The following SPATA31H1 variants were observed in gnomAD, a reference collection of about 807,000 sequenced individuals.
The protein encoded by SPATA31H1 is SPATA31 subfamily H member 1.
the SPATA31H1 span, chr2:27,566,595 T>A: frequency 1.7e-6 from 1 of 582,500 alleles, no homozygotes; most frequent in Non-Finnish European, 3.1e-6. Flanking sequence ...ATTATTTCTA[T>A]AAGTAATTGA....
chr2:27,581,155 G>A, the SPATA31H1 span: 5 of 1,613,998 alleles, frequency 3.1e-6, no homozygotes, highest in East Asian at 2.2e-5. Context: ...ACCTGGCACC[G>A]ACATCTTAAA....
chr2:27,582,439 G>C, the SPATA31H1 span: 1 of 1,614,182 alleles, frequency 6.2e-7, no homozygotes, highest in Admixed American at 1.7e-5. Context: ...AGTTTGTCTA[G>C]AGATTTCAAG....
chr2:27,568,244 A>T, the SPATA31H1 span: 1 of 399,028 alleles, frequency 2.5e-6, no homozygotes, highest in Non-Finnish European at 4.4e-6. Context: ...TGAACCATCA[A>T]GACACAAAAC....
At chr2:27,578,292 C>T in the SPATA31H1 span, 3 of 1,614,168 alleles carry the variant, frequency 1.9e-6, no homozygotes, top group Non-Finnish European at 2.5e-6. Flanking sequence ...AAAGCCAAAA[C>T]ACCAGATTTT....
At chr2:27,580,356 C>T in the SPATA31H1 span, 1 of 1,614,118 alleles carries the variant, frequency 6.2e-7, no homozygotes, top group East Asian at 2.2e-5. Context: ...AGTTCACAAC[C>T]TACCAGAGAG....
At chr2:27,548,974 T>C in the SPATA31H1 span, among the ~76,000 whole-genome samples, 14 of 147,078 alleles carry the variant, frequency 9.5e-5, no homozygotes, top group East Asian at 2.8e-3. Context: ...CTGGGGAGGC[T>C]GAGGCAGGAG....
the SPATA31H1 span, chr2:27,579,421 T>C: frequency 6.2e-7 from 1 of 1,614,232 alleles, no homozygotes; most frequent in Non-Finnish European, 8.5e-7. Context: ...CCAGTTACTA[T>C]TTCTCAGCCT....
At chr2:27,540,292 G>A in the SPATA31H1 span, among the ~76,000 whole-genome samples, 2 of 128,012 alleles carry the variant, frequency 1.6e-5, no homozygotes, top group African/African-American at 5.9e-5. Context: ...CCTCCCTCCC[G>A]GACGGGGCGG....
chr2:27,572,193 T>A, the SPATA31H1 span: 1 of 398,408 alleles, frequency 2.5e-6, no homozygotes, highest in Non-Finnish European at 4.4e-6. Context: ...TGAACCACAG[T>A]TGCAAAGTAT....
the SPATA31H1 span, chr2:27,565,221 T>C: frequency 1.6e-6 from 1 of 639,716 alleles, no homozygotes; most frequent in Non-Finnish European, 2.8e-6. Context: ...ACTGTATCAA[T>C]ATCTGATACA....
chr2:27,569,106 T>C, the SPATA31H1 span: 1 of 398,932 alleles, frequency 2.5e-6, no homozygotes, highest in East Asian at 3.6e-5. Context: ...CTCAGTGTCA[T>C]TCCAAGACAT....
At chr2:27,580,647 C>T in the SPATA31H1 span, 747 of 1,614,216 alleles carry the variant, frequency 4.6e-4, 3 homozygotes, top group African/African-American at 8.4e-3. Context: ...GAGCCTAAAG[C>T]GGGCATTCCA....
chr2:27,569,680 C>T, the SPATA31H1 span: 1 of 398,736 alleles, frequency 2.5e-6, no homozygotes, highest in Non-Finnish European at 4.4e-6. Flanking sequence ...CAGTCAACTA[C>T]AGGAGTGGTA....
chr2:27,581,461 T>C, the SPATA31H1 span: 2 of 1,609,946 alleles, frequency 1.2e-6, no homozygotes, highest in Non-Finnish European at 8.5e-7. Context: ...GAAAGGGGCC[T>C]TCACAGTCCC....
At chr2:27,568,751 T>C in the SPATA31H1 span, 4 of 398,868 alleles carry the variant, frequency 1.0e-5, no homozygotes, top group African/African-American at 6.2e-5. Flanking sequence ...TGCTTGAAGA[T>C]GTGAAAACTC....
At chr2:27,561,563 A>G in the SPATA31H1 span, among the ~76,000 whole-genome samples, 1 of 152,144 alleles carries the variant, frequency 6.6e-6, no homozygotes, top group Admixed American at 6.5e-5. Flanking sequence ...CTAGGCCACA[A>G]AGATTTTCTC....
At chr2:27,559,320 G>C in the SPATA31H1 span, among the ~76,000 whole-genome samples, 1 of 152,142 alleles carries the variant, frequency 6.6e-6, no homozygotes, top group African/African-American at 2.4e-5. Context: ...ATAGCCCTTC[G>C]GGGATTCCAG....
the SPATA31H1 span, chr2:27,578,315 G>A: frequency 1.9e-6 from 3 of 1,614,078 alleles, no homozygotes; most frequent in African/African-American, 2.7e-5. Context: ...AAACAGTGGA[G>A]TTGACAGGGT....
the SPATA31H1 span, chr2:27,578,652 C>T: frequency 6.2e-7 from 1 of 1,614,136 alleles, no homozygotes; most frequent in Non-Finnish European, 8.5e-7. Context: ...AAAAACAGAG[C>T]CTCCTAAAGT....
Sources: allele counts gnomAD v4.1 joint callset (sites outside exome capture counted in the v4.1 genomes callset), GRCh38; gene constraint gnomAD v4.1.1; transcripts MANE v1.5; gene names NCBI Gene and HGNC (gene_info 2026-07-23, HGNC 2026-07-21).